Variants in PHKA1 observed in about 807,000 individuals in gnomAD.
PHKA1 encodes the protein phosphorylase kinase regulatory subunit alpha 1, also known as phosphorylase b kinase regulatory subunit alpha, skeletal muscle isoform.
A neutral mutation model predicts 110.2 loss-of-function variants in PHKA1; 60 were observed. The ratio of observed to expected loss-of-function variants is 0.54; its 90% CI spans 0.44 to 0.68. The LOEUF is 0.68. PHKA1 is among the 30% of genes least tolerant of loss of function. The pLI, the probability that PHKA1 is intolerant of heterozygous loss-of-function variation, is 0.00. For synonymous variants in PHKA1, 316 were observed against 333.6 expected, an observed-to-expected ratio of 0.95 and a Z score of 0.58; for missense variants, 801 against 942.5, an observed-to-expected ratio of 0.85 and a Z score of 1.97.
intron 5 of PHKA1, among the ~76,000 whole-genome samples, chrX:72,677,596 T>C (rs1261924907): frequency 8.9e-6 from 1 of 111,897 alleles, no homozygotes; most frequent in African/African-American, 3.3e-5. Flanking sequence ...ATTTATTTAT[T>C]TATTCAGTTA....
chrX:72,702,853 C>T (rs1422626889), intron 3 of PHKA1, among the ~76,000 whole-genome samples: 11 of 111,721 alleles, frequency 9.8e-5, no homozygotes, highest in African/African-American at 3.3e-4. Flanking sequence ...AAAGTCATCC[C>T]TCTGATCACA....
chrX:72,701,611 C>T (rs1466362648), intron 3 of PHKA1, among the ~76,000 whole-genome samples: 1 of 111,023 alleles, frequency 9.0e-6, no homozygotes, highest in Non-Finnish European at 1.9e-5. Context: ...CCCAGCTCCT[C>T]GGGAGGCTGA....
chrX:72,654,902 A>G (rs2053472819), intron 10 of PHKA1, among the ~76,000 whole-genome samples: 1 of 101,091 alleles, frequency 9.9e-6, no homozygotes, highest in South Asian at 4.8e-4. Context: ...GGTTCACGCC[A>G]TTCTCCTGCC....
Position 72,653,530 on chromosome X carries a change from C to A in PHKA1, c.1042G>T (p.Val348Phe), listed in dbSNP as rs782611390. The part of the protein sequence containing the change: ...DGVFSGNAEQ[V>F]QEYKEALEAV... Reference sequence around the variant, plus strand: ...TCAAGAGCCTCTTTATATTCTTGAACCTGCAGATAAAAGAAAGGCAGGAAA... The same window carrying A: ...TCAAGAGCCTCTTTATATTCTTGAAACTGCAGATAAAAGAAAGGCAGGAAA... Residue 348 changes from valine (V) to phenylalanine (F), a missense_variant and splice_region_variant, in exon 11 of 32, where the codon GTT (valine) becomes TTT (phenylalanine). Physicochemically the swap from Val to Phe is conservative, Grantham distance 50. Around this residue, in one of 2 missense-constraint regions of PHKA1, gnomAD observed 299 missense variants for 423.3 expected, o/e 0.71. Transcript: ENST00000373542. 2 of 1,168,791 alleles carry A rather than the reference C, an allele frequency of 1.7e-6. No individual in the cohort carries two copies. The highest frequency in any genetic ancestry group is 2.3e-6 in the Non-Finnish European group (2 of 857,987).
At chrX:72,694,303 T>C (rs1368674807) in intron 4 of PHKA1, among the ~76,000 whole-genome samples, 1 of 112,335 alleles carries the variant, frequency 8.9e-6, no homozygotes, top group Non-Finnish European at 1.9e-5. Context: ...TAACCTTCTT[T>C]CCTATCCAAT....
Position 72,584,248 on chromosome X carries a change from C to T in PHKA1, c.3297+1G>A. 8.3e-7 allele frequency: 1 copy of T among 1,198,417 alleles called. No individual in the cohort carries two copies. Among genetic ancestry groups the T allele is most frequent in the East Asian group, 3.0e-5 (1 of 33,806 alleles). On this transcript the variant is annotated splice_donor_variant, in intron 30 of 31. Coordinates refer to ENST00000373542, the MANE Select transcript of PHKA1 (RefSeq NM_002637.4). LOFTEE classifies it high-confidence loss of function. Reference sequence around the variant, plus strand: ...TAAATGTGCAAGAAAGAGACTCTTACCTCTCTAGTGGTAGAGGAAGGAAGG... The same window carrying T: ...TAAATGTGCAAGAAAGAGACTCTTATCTCTCTAGTGGTAGAGGAAGGAAGG...
chrX:72,673,730 T>C (rs2053736773), intron 6 of PHKA1, among the ~76,000 whole-genome samples: 1 of 110,562 alleles, frequency 9.0e-6, no homozygotes, highest in Non-Finnish European at 1.9e-5. Context: ...TAATGACGTA[T>C]ATCTATCATA....
intron 31 of PHKA1, 84 bp from the exon 32 acceptor site, chrX:72,581,259 C>G (rs782442176): frequency 1.2e-4 from 72 of 616,370 alleles, no homozygotes; most frequent in Non-Finnish European, 1.8e-4. Context: ...TAGCATAATT[C>G]AGAACCTCCT....
chrX:72,659,287 A>G (rs1178206667), intron 8 of PHKA1, among the ~76,000 whole-genome samples: 2 of 111,425 alleles, frequency 1.8e-5, no homozygotes, highest in Non-Finnish European at 3.8e-5. Context: ...CATGTTCCAT[A>G]CTTTTCTGAG....
chrX:72,703,972 A>G (rs972648222), intron 3 of PHKA1, among the ~76,000 whole-genome samples: 7 of 112,112 alleles, frequency 6.2e-5, no homozygotes, highest in Admixed American at 9.5e-5. Context: ...TCTTGTATGC[A>G]AAAATATCAC....
At chrX:72,707,264 A>G (rs1413003922) in intron 2 of PHKA1, among the ~76,000 whole-genome samples, 1 of 111,938 alleles carries the variant, frequency 8.9e-6, no homozygotes, top group African/African-American at 3.2e-5. Context: ...GAAATGGGAC[A>G]GATATGTTTT....
intron 2 of PHKA1, 23 bp from the exon 3 acceptor site, chrX:72,705,268 G>A: frequency 8.7e-7 from 1 of 1,152,453 alleles, no homozygotes; most frequent in South Asian, 1.8e-5. Flanking sequence ...ATGGAAACAA[G>A]ACAGTTATAA....
chrX:72,675,826 C>G (rs2053772674), intron 6 of PHKA1, among the ~76,000 whole-genome samples: 1 of 110,644 alleles, frequency 9.0e-6, no homozygotes, highest in South Asian at 3.9e-4. Context: ...TAAGTCCTTT[C>G]AAGTCCTTAT....
intron 14 of PHKA1, among the ~76,000 whole-genome samples, chrX:72,641,314 T>C (rs1481174293): frequency 9.0e-6 from 1 of 111,650 alleles, no homozygotes; most frequent in Non-Finnish European, 1.9e-5. Context: ...AAAACAGTGG[T>C]CTATACAAAG....
At chrX:72,668,722 AT>A (rs1421650146) in intron 6 of PHKA1, among the ~76,000 whole-genome samples, 4 of 111,247 alleles carry the variant, frequency 3.6e-5, no homozygotes, top group African/African-American at 1.3e-4. Flanking sequence ...CTGCCTTACT[AT>A]TCTACTCCTT....
chrX:72,697,306 AATC>A (rs1273040594), intron 3 of PHKA1: 7 of 111,712 alleles, frequency 6.3e-5, no homozygotes, highest in Non-Finnish European at 3.8e-5. Context: ...AGTGCTCAGA[AATC>A]ATAGAATTTG....
At chrX:72,648,274 G>A (rs1316442092) in intron 13 of PHKA1, among the ~76,000 whole-genome samples, 1 of 111,608 alleles carries the variant, frequency 9.0e-6, no homozygotes, top group Non-Finnish European at 1.9e-5. Flanking sequence ...CCTTGAATAG[G>A]AGAAGAAACC....
At chrX:72,598,304 C>T (rs1603252884) in intron 28 of PHKA1, among the ~76,000 whole-genome samples, 2 of 111,422 alleles carry the variant, frequency 1.8e-5, no homozygotes, top group Admixed American at 9.5e-5. Flanking sequence ...AAAACCACTA[C>T]GAGATACCAG....
In PHKA1 at chrX:72,594,242, A is replaced by G. The variant is rs142850279; in HGVS notation, c.3073-968T>C. On this transcript the variant is annotated intron_variant, in intron 28 of 31. Transcript: ENST00000373542. ...CAATAAACAAACTTTCCATTTGAAGACAATAAAGAAAGAAGAGCAAGCTAA... is the reference window on the plus strand; with the variant it reads ...CAATAAACAAACTTTCCATTTGAAGGCAATAAAGAAAGAAGAGCAAGCTAA... Among the ~76,000 whole-genome samples the G allele has an allele frequency of 6.9e-3, 755 of 109,491 alleles. 8 individuals are homozygous for G. The highest frequency in any genetic ancestry group is 0.024 in the African/African-American group (712 of 30,174).
Sources: allele counts gnomAD v4.1 joint callset (sites outside exome capture counted in the v4.1 genomes callset), GRCh38; gene constraint gnomAD v4.1.1; regional missense constraint gnomAD v4.1.1; transcripts MANE v1.5; gene names NCBI Gene and HGNC (gene_info 2026-07-23, HGNC 2026-07-21).